The following FGGY variants were observed in gnomAD, a reference collection of about 807,000 sequenced individuals.
FGGY encodes the protein FGGY carbohydrate kinase domain-containing protein.
FGGY carries 72 observed loss-of-function variants against 71.3 expected under a neutral mutation model. The observed-to-expected ratio is 1.01, with a 90% CI of 0.84 to 1.23. The LOEUF is 1.23. Among genes scored for constraint, FGGY ranks in the 50% most tolerant of loss-of-function variants. FGGY has a pLI of 0.00. For missense variants in FGGY, 668 were observed against 682.3 expected, an observed-to-expected ratio of 0.98 and a Z score of 0.23; for synonymous variants, 251 against 250.3, an observed-to-expected ratio of 1.00 and a Z score of -0.02.
At chr1:59,734,109 A>G (rs894009964) in intron 14 of FGGY, among the ~76,000 whole-genome samples, 10 of 152,108 alleles carry the variant, frequency 6.6e-5, no homozygotes, top group African/African-American at 2.4e-4. Flanking sequence ...TGCTCCAACA[A>G]CACAGCCTTT....
intron 8 of FGGY, among the ~76,000 whole-genome samples, chr1:59,588,268 A>C (rs981263513): frequency 2.0e-5 from 3 of 152,112 alleles, no homozygotes; most frequent in African/African-American, 7.2e-5. Flanking sequence ...GAAACGAACA[A>C]AGCCTCCAAG....
chr1:59,397,085 T>A (rs2061416581), intron 5 of FGGY, among the ~76,000 whole-genome samples: 1 of 151,814 alleles, frequency 6.6e-6, no homozygotes, highest in Admixed American at 6.6e-5. Context: ...TTTAACAATG[T>A]CAGGATTTAG....
chr1:59,674,737 A>C (rs2097419526), intron 14 of FGGY, among the ~76,000 whole-genome samples: 1 of 152,234 alleles, frequency 6.6e-6, no homozygotes, highest in South Asian at 2.1e-4. Context: ...GAAACATACT[A>C]GTTTCTGGTG....
At chr1:59,381,628 CGTGTGTGTGTGTGT>C (rs113981398) in intron 5 of FGGY, among the ~76,000 whole-genome samples, 28,827 of 143,230 alleles carry the variant, frequency 0.2, 2,934 homozygotes, top group East Asian at 0.37. Flanking sequence ...ATGTATAACT[CGTGTGTGTGTGTGT>C]GTGTGTGTGT....
At chr1:59,318,297 C>T (rs1319006275) in intron 1 of FGGY, among the ~76,000 whole-genome samples, 2 of 152,038 alleles carry the variant, frequency 1.3e-5, no homozygotes, top group Non-Finnish European at 2.9e-5. Context: ...TTTTTTATTT[C>T]CCCAGTGATG....
At chr1:59,472,748 C>G (rs577943004) in intron 6 of FGGY, among the ~76,000 whole-genome samples, 341 of 150,704 alleles carry the variant, frequency 2.3e-3, no homozygotes, top group Non-Finnish European at 3.6e-3. Flanking sequence ...TGTGGACACT[C>G]TGTATCTAGC....
At chr1:59,710,277 A>G (rs2100208497) in intron 14 of FGGY, among the ~76,000 whole-genome samples, 1 of 152,340 alleles carries the variant, frequency 6.6e-6, no homozygotes, top group African/African-American at 2.4e-5. Context: ...CCTTCCTTAC[A>G]TCTTATACAA....
chr1:59,454,589 T>G (rs1267895790), intron 5 of FGGY, among the ~76,000 whole-genome samples: 2 of 152,212 alleles, frequency 1.3e-5, no homozygotes, highest in Non-Finnish European at 2.9e-5. Flanking sequence ...CAAAAGACAT[T>G]TAAGCCTCAC....
chr1:59,680,568 C>T (rs1255547615), intron 14 of FGGY: 1 of 150,066 alleles, frequency 6.7e-6, no homozygotes, highest in Non-Finnish European at 1.5e-5. Flanking sequence ...ATCCAGTTTG[C>T]AGAATGATAC....
intron 14 of FGGY, among the ~76,000 whole-genome samples, chr1:59,686,217 T>A (rs970308225): frequency 6.6e-6 from 1 of 152,106 alleles, no homozygotes; most frequent in Non-Finnish European, 1.5e-5. Context: ...CCCTTCACCT[T>A]TTTCCATGAA....
At chr1:59,607,766 G>T in intron 8 of FGGY, 37 bp from the exon 9 acceptor site, 1 of 1,532,998 alleles carries the variant, frequency 6.5e-7, no homozygotes, top group South Asian at 1.1e-5. Flanking sequence ...ACCCCTGAGA[G>T]TCAATGTTTT....
At chr1:59,603,777 C>CAAA (rs2096599119) in intron 8 of FGGY, among the ~76,000 whole-genome samples, 1 of 152,160 alleles carries the variant, frequency 6.6e-6, no homozygotes, top group African/African-American at 2.4e-5. Flanking sequence ...GTCATCAAGG[C>CAAA]CAGAAGGTTA....
chr1:59,758,320 A>T (rs1294354924), intron 15 of FGGY, among the ~76,000 whole-genome samples: 1 of 152,218 alleles, frequency 6.6e-6, no homozygotes, highest in Non-Finnish European at 1.5e-5. Context: ...GAATCTGCTC[A>T]TTCTTTTACT....
chr1:59,723,410 C>T (rs1393470708), intron 14 of FGGY, among the ~76,000 whole-genome samples: 1 of 152,128 alleles, frequency 6.6e-6, no homozygotes, highest in Admixed American at 6.5e-5. Flanking sequence ...AATCTGGCTC[C>T]CACCATCTGC....
chr1:59,364,248 G>A (rs1037671611), intron 4 of FGGY, among the ~76,000 whole-genome samples: 2 of 152,168 alleles, frequency 1.3e-5, no homozygotes, highest in African/African-American at 4.8e-5. Context: ...TGACCTGGGA[G>A]TCCAAGCCAG....
chr1:59,445,012 C>A (rs1410796999), intron 5 of FGGY, among the ~76,000 whole-genome samples: 2 of 152,160 alleles, frequency 1.3e-5, no homozygotes, highest in African/African-American at 4.8e-5. Flanking sequence ...ACTTACCCTT[C>A]ATAGTAATTA....
At chr1:59,464,549 A>T (rs185771135) in intron 6 of FGGY, among the ~76,000 whole-genome samples, 1 of 152,084 alleles carries the variant, frequency 6.6e-6, no homozygotes. Flanking sequence ...CACACACACA[A>T]AAAAACCCTT....
chr1:59,556,319 A>G lies in FGGY; in HGVS notation c.903+2092A>G, dbSNP rs540899330. Among the ~76,000 whole-genome samples, 7 of 152,356 alleles carry G rather than the reference A, an allele frequency of 4.6e-5. No homozygotes were observed. In the South Asian group the frequency reaches 8.3e-4, roughly 18 times the overall value. ...GATTTCTGAACAGAAGCAAATCTAAATGGATGCAAGTGTCTCTGTGATGGC... is the reference window on the plus strand; with the variant it reads ...GATTTCTGAACAGAAGCAAATCTAAGTGGATGCAAGTGTCTCTGTGATGGC... On this transcript the variant is annotated intron_variant, in intron 8 of 15. Transcript: ENST00000303721.
At chr1:59,431,106 A>G (rs2067282658) in intron 5 of FGGY, among the ~76,000 whole-genome samples, 2 of 152,142 alleles carry the variant, frequency 1.3e-5, no homozygotes, top group Non-Finnish European at 2.9e-5. Flanking sequence ...CCCTGGGTCC[A>G]GTCATCTTTG....
Sources: allele counts gnomAD v4.1 joint callset (sites outside exome capture counted in the v4.1 genomes callset), GRCh38; gene constraint gnomAD v4.1.1; transcripts MANE v1.5; gene names NCBI Gene and HGNC (gene_info 2026-07-23, HGNC 2026-07-21).